CDH13: variants seen among roughly 807,000 people sequenced by gnomAD.
CDH13 encodes the protein cadherin-13.
Under a neutral mutation model 63.8 loss-of-function variants are expected in CDH13, and 24 were observed. That is an observed-to-expected ratio of 0.38 (90% CI 0.27 to 0.53). The LOEUF is 0.53. CDH13 is among the 20% of genes least tolerant of loss of function. CDH13 has a pLI of 0.85. For synonymous variants in CDH13, 503 were observed against 355.3 expected, an observed-to-expected ratio of 1.42 and a Z score of -4.67; for missense variants, 1,049 against 903.1, an observed-to-expected ratio of 1.16 and a Z score of -2.07.
chr16:82,990,586 A>G (rs1158337940), intron 2 of CDH13, among the ~76,000 whole-genome samples: 2 of 145,012 alleles, frequency 1.4e-5, no homozygotes, highest in Non-Finnish European at 3.0e-5. Context: ...TCACTTTATC[A>G]TCCAGGCTGG....
intron 11 of CDH13, among the ~76,000 whole-genome samples, chr16:83,748,673 C>G (rs1912813889): frequency 6.6e-6 from 1 of 152,180 alleles, no homozygotes; most frequent in African/African-American, 2.4e-5. Flanking sequence ...TTATGACACG[C>G]TGCCAAGGAA....
intron 1 of CDH13, among the ~76,000 whole-genome samples, chr16:82,638,543 C>T (rs1221711344): frequency 6.6e-6 from 1 of 152,170 alleles, no homozygotes; most frequent in Non-Finnish European, 1.5e-5. Flanking sequence ...TCACCCTATG[C>T]TCCAAGGAAT....
chr16:83,004,108 A>G (rs1010287081), intron 2 of CDH13, among the ~76,000 whole-genome samples: 2 of 152,184 alleles, frequency 1.3e-5, no homozygotes, highest in Non-Finnish European at 2.9e-5. Flanking sequence ...TCTTGGGTTA[A>G]TGAATGCAAC....
At chr16:83,484,300 T>C (rs1367570962) in intron 6 of CDH13, among the ~76,000 whole-genome samples, 1 of 152,246 alleles carries the variant, frequency 6.6e-6, no homozygotes, top group African/African-American at 2.4e-5. Flanking sequence ...GTGTTTTCTT[T>C]GTATGACTAT....
intron 7 of CDH13, among the ~76,000 whole-genome samples, chr16:83,551,959 G>C (rs2075509993): frequency 6.6e-6 from 1 of 152,198 alleles, no homozygotes. Flanking sequence ...TAGGTGGATG[G>C]ATGGGTTGGT....
intron 1 of CDH13, among the ~76,000 whole-genome samples, chr16:82,801,580 G>T (rs1277465307): frequency 1.3e-5 from 2 of 152,180 alleles, no homozygotes; most frequent in Non-Finnish European, 2.9e-5. Flanking sequence ...ACTACTGGAT[G>T]CTGACTCAAG....
intron 10 of CDH13, among the ~76,000 whole-genome samples, chr16:83,686,812 C>T (rs768749243): frequency 6.6e-6 from 1 of 152,122 alleles, no homozygotes; most frequent in Non-Finnish European, 1.5e-5. Flanking sequence ...AGCCCAATCC[C>T]AGCATAAGGA....
chr16:83,310,869 A>T (rs1350664406), intron 5 of CDH13, among the ~76,000 whole-genome samples: 1 of 152,158 alleles, frequency 6.6e-6, no homozygotes, highest in Non-Finnish European at 1.5e-5. Context: ...AACAAACCCA[A>T]CTGAGCCAGT....
chr16:82,740,176 A>G (rs1167419811), intron 1 of CDH13, among the ~76,000 whole-genome samples: 1 of 152,214 alleles, frequency 6.6e-6, no homozygotes, highest in African/African-American at 2.4e-5. Flanking sequence ...GACTGAGCTC[A>G]TATCTGTCTA....
Position 83,399,599 on chromosome 16 carries a change from C to G in CDH13, c.781+54593C>G, listed in dbSNP as rs112439816. 1.6e-3 allele frequency among the ~76,000 whole-genome samples: 241 copies of G among 152,258 alleles called. 1 individual carries two copies. Among genetic ancestry groups the G allele is most frequent in the African/African-American group, 5.0e-3 (208 of 41,548 alleles). On this transcript the variant is annotated intron_variant, in intron 6 of 13. Transcript: ENST00000567109. Reference sequence around the variant, plus strand: ...CTTGGATCTCAGTGGATCAAGGACTCACTCGTAACCAGTAGAATGATGTGT... The same window carrying G: ...CTTGGATCTCAGTGGATCAAGGACTGACTCGTAACCAGTAGAATGATGTGT...
At chr16:82,813,467 G>T (rs1047963105) in intron 1 of CDH13, among the ~76,000 whole-genome samples, 4 of 152,122 alleles carry the variant, frequency 2.6e-5, no homozygotes, top group African/African-American at 9.7e-5. Context: ...TGCATCAAAG[G>T]GCTCAGAAGT....
chr16:83,225,969 G>A (rs1385972733), intron 5 of CDH13, among the ~76,000 whole-genome samples: 1 of 152,148 alleles, frequency 6.6e-6, no homozygotes, highest in African/African-American at 2.4e-5. Context: ...TCTCCCAACT[G>A]CTTCACTCTG....
chr16:82,774,082 C>G (rs988406889), intron 1 of CDH13, among the ~76,000 whole-genome samples: 1 of 151,980 alleles, frequency 6.6e-6, no homozygotes, highest in African/African-American at 2.4e-5. Context: ...CGTGCCCGGC[C>G]AGTATTGTTC....
At chr16:83,112,980 A>G (rs1336124914) in intron 3 of CDH13, among the ~76,000 whole-genome samples, 1 of 152,224 alleles carries the variant, frequency 6.6e-6, no homozygotes. Context: ...ACATGATTCT[A>G]GGAACTGGTG....
At chr16:82,734,913 T>A (rs2033592897) in intron 1 of CDH13, among the ~76,000 whole-genome samples, 1 of 152,114 alleles carries the variant, frequency 6.6e-6, no homozygotes, top group Admixed American at 6.5e-5. Flanking sequence ...GGGTCCTGCA[T>A]TGAAGTAGGA....
intron 1 of CDH13, among the ~76,000 whole-genome samples, chr16:82,792,074 C>G (rs144829140): frequency 1.3e-5 from 2 of 152,120 alleles, no homozygotes; most frequent in South Asian, 2.1e-4. Flanking sequence ...GAGTGTGGGA[C>G]GGATCTGTGA....
At chr16:83,314,702 C>G (rs2090070547) in intron 5 of CDH13, among the ~76,000 whole-genome samples, 1 of 152,180 alleles carries the variant, frequency 6.6e-6, no homozygotes, top group African/African-American at 2.4e-5. Flanking sequence ...TGATTCTGTA[C>G]TATACTTAAT....
intron 1 of CDH13, among the ~76,000 whole-genome samples, chr16:82,780,540 T>C (rs1366659686): frequency 6.6e-6 from 1 of 150,948 alleles, no homozygotes; most frequent in Non-Finnish European, 1.5e-5. Flanking sequence ...GCTGACATTT[T>C]GTAATTATCA....
intron 6 of CDH13, among the ~76,000 whole-genome samples, chr16:83,371,210 G>T (rs970222250): frequency 6.6e-6 from 1 of 152,152 alleles, no homozygotes; most frequent in South Asian, 2.1e-4. Context: ...AAATCATTCT[G>T]CCATAAAGAT....
Sources: gnomAD v4.1 joint callset for allele counts (sites outside exome capture counted in the v4.1 genomes callset) on GRCh38, gnomAD v4.1.1 for gene constraint, MANE v1.5 for transcripts, NCBI Gene and HGNC (gene_info 2026-07-23, HGNC 2026-07-21) for gene names.